Variants in CYFIP2 observed in about 807,000 individuals in gnomAD.
The protein encoded by CYFIP2 is cytoplasmic FMR1 interacting protein 2.
CYFIP2 carries 29 observed loss-of-function variants against 158.7 expected under a neutral mutation model. The ratio of observed to expected loss-of-function variants is 0.18; its 90% CI spans 0.14 to 0.25. CYFIP2 has a LOEUF of 0.25. CYFIP2 is among the 10% of genes least tolerant of loss of function. CYFIP2 has a pLI of 1.00. For missense variants in CYFIP2, 852 were observed against 1,639.5 expected (o/e 0.52, Z 8.29); for synonymous variants, 585 against 617.6 (o/e 0.95, Z 0.78).
At chr5:157,299,626 C>T (rs541517874) in intron 5 of CYFIP2, among the ~76,000 whole-genome samples, 5 of 152,272 alleles carry the variant, frequency 3.3e-5, no homozygotes, top group East Asian at 3.9e-4. Flanking sequence ...CTAGGCCAGG[C>T]GTGGTGGTTC....
chr5:157,304,383 G>T lies in CYFIP2; in HGVS notation c.795+17G>T. 1 of 1,610,794 alleles carries T rather than the reference G, an allele frequency of 6.2e-7. No individual in the cohort carries two copies. The highest frequency in any genetic ancestry group is 1.3e-5 in the African/African-American group (1 of 74,904). Reference sequence around the variant, plus strand: ...CTCCTCAAGGTAAAACTCCCCTGAGGCCGCACCCATGGAGCCTGGGCTTAC... The same window carrying T: ...CTCCTCAAGGTAAAACTCCCCTGAGTCCGCACCCATGGAGCCTGGGCTTAC... On this transcript the variant is annotated intron_variant, in intron 8 of 30. Transcript: ENST00000620254.
intron 23 of CYFIP2, among the ~76,000 whole-genome samples, chr5:157,357,694 A>G (rs903780294): frequency 3.4e-4 from 52 of 152,116 alleles, no homozygotes; most frequent in African/African-American, 1.3e-3. Flanking sequence ...AGCTGTGCAT[A>G]GTGGAGGGCA....
chr5:157,356,222 G>T (rs931638459), intron 23 of CYFIP2, among the ~76,000 whole-genome samples: 2 of 152,008 alleles, frequency 1.3e-5, no homozygotes, highest in African/African-American at 4.8e-5. Flanking sequence ...GTGTGCAGAT[G>T]GCCCCTCTCC....
intron 4 of CYFIP2, among the ~76,000 whole-genome samples, chr5:157,295,507 AACT>A (rs1758182213): frequency 6.6e-6 from 1 of 152,240 alleles, no homozygotes; most frequent in Non-Finnish European, 1.5e-5. Flanking sequence ...CCCCAGCAAT[AACT>A]ACTATTAACA....
At position 157,312,493 on chromosome 5, in the gene CYFIP2, T is replaced by G. The variant is rs1165460408; in HGVS notation, c.1110+712T>G. Among the ~76,000 whole-genome samples, 3 of 152,208 alleles carry G rather than the reference T, an allele frequency of 2.0e-5. No individual in the cohort carries two copies. The East Asian group carries it at 5.8e-4, about 29-fold the overall frequency. On this transcript the variant is annotated intron_variant, in intron 11 of 30. Coordinates refer to ENST00000620254, the MANE Select transcript of CYFIP2 (RefSeq NM_001037333.3). ...GATACTCATCCCATACGTACCCTCCTAATAAATGAATATGCTGTTTGATAA... is the reference window on the plus strand; with the variant it reads ...GATACTCATCCCATACGTACCCTCCGAATAAATGAATATGCTGTTTGATAA...
rs1216780497 is a variant in CYFIP2, at chr5:157,314,329, C to A, written c.1111-15C>A. 2 of 1,612,256 alleles carry A rather than the reference C, an allele frequency of 1.2e-6. No homozygotes were observed. Among genetic ancestry groups the A allele is most frequent in the Non-Finnish European group, 1.7e-6 (2 of 1,179,100 alleles). ...AGGCACATAGACCATGAGTATGACA[C>A]CTGATGCTCCCCAGGTGGTGACGGG... On this transcript the variant is annotated splice_polypyrimidine_tract_variant and intron_variant, in intron 11 of 30. Transcript: ENST00000620254.
At chr5:157,373,835 C>T (rs917668865) in intron 26 of CYFIP2, among the ~76,000 whole-genome samples, 3 of 152,140 alleles carry the variant, frequency 2.0e-5, no homozygotes, top group African/African-American at 7.2e-5. Context: ...TGGAGTTATA[C>T]ATTTTTTCCT....
chr5:157,338,666 A>T (rs998446097), intron 21 of CYFIP2, among the ~76,000 whole-genome samples: 4 of 152,266 alleles, frequency 2.6e-5, no homozygotes, highest in Admixed American at 2.6e-4. Flanking sequence ...GGTTCAACCT[A>T]ATAGTAAACC....
intron 1 of CYFIP2, among the ~76,000 whole-genome samples, chr5:157,277,583 G>GA (rs1756664241): frequency 6.6e-6 from 1 of 152,216 alleles, no homozygotes. Flanking sequence ...TGATAGGTAA[G>GA]AAAATGGTCC....
At chr5:157,330,712 C>A in intron 19 of CYFIP2, 30 bp from the exon 20 acceptor site, 2 of 1,571,802 alleles carry the variant, frequency 1.3e-6, no homozygotes, top group Non-Finnish European at 1.8e-6. Flanking sequence ...AATCTGTTTA[C>A]TGGCCTTGTT....
chr5:157,311,809 G>A lies in CYFIP2; in HGVS notation c.1110+28G>A. ...GAGCATGCAGGCTGCTGGGGCACAG[G>A]CCCGTGGGCCCAGGGCCAGAAGGGG... On this transcript the variant is annotated intron_variant, in intron 11 of 30. Coordinates refer to ENST00000620254, the MANE Select transcript of CYFIP2 (RefSeq NM_001037333.3). The surrounding 1 kb of genome is among the most constrained non-coding windows in gnomAD (Gnocchi z 4.7). 6.4e-7 allele frequency: 1 copy of A among 1,564,926 alleles called. No homozygotes were observed. Among genetic ancestry groups the A allele is most frequent in the African/African-American group, 1.4e-5 (1 of 73,722 alleles).
intron 21 of CYFIP2, among the ~76,000 whole-genome samples, chr5:157,338,670 G>A (rs573211587): frequency 1.2e-4 from 18 of 152,220 alleles, no homozygotes; most frequent in Non-Finnish European, 4.4e-5. Flanking sequence ...CAACCTAATA[G>A]TAAACCCTTA....
intron 18 of CYFIP2, among the ~76,000 whole-genome samples, chr5:157,327,118 C>A (rs1344469519): frequency 6.6e-6 from 1 of 152,168 alleles, no homozygotes; most frequent in Non-Finnish European, 1.5e-5. Flanking sequence ...TGGTTTGATT[C>A]TTCATGTCTG....
At position 157,390,473 on chromosome 5, in the gene CYFIP2, CTCCTCCCCCGACCTCTCACTCCAGCTGCT is replaced by C; in HGVS notation, c.3447-38_3447-10del. The C allele has an allele frequency of 6.9e-7, 1 of 1,456,828 alleles. No individual in the cohort carries two copies. The allele number at this position is 1,456,828 out of a possible 1,614,324, so 90.2% of individuals were successfully genotyped here. A position where few individuals can be genotyped will look rare whatever the true frequency, so the allele number is the denominator to read the frequency against. On this transcript the variant is annotated intron_variant, in intron 29 of 30. Transcript: ENST00000620254. ...AGATGAGGCTCCCTCCCTCCCTGCC[CTCCTCCCCCGACCTCTCACTCCAGCTGCT>C]TCCTCCCCCTGCTCCCAGGCAGTGT...
chr5:157,281,425 C>T (rs1404727265), intron 1 of CYFIP2, among the ~76,000 whole-genome samples: 1 of 152,124 alleles, frequency 6.6e-6, no homozygotes, highest in Non-Finnish European at 1.5e-5. Flanking sequence ...GTTCGGTTAT[C>T]TAGTGGTATA....
rs1767665403 is a variant in CYFIP2, at chr5:157,395,482, CAT to C, written c.*2485_*2486del. The C allele has an allele frequency of 8.2e-6, 4 of 486,478 alleles. No homozygotes were observed. Among genetic ancestry groups the C allele is most frequent in the Non-Finnish European group, 1.5e-5 (4 of 274,294 alleles). 30.1% of individuals were successfully genotyped at this position (486,478 alleles called of 1,614,324 possible). On this transcript the variant is annotated 3_prime_UTR_variant, in exon 31 of 31. Transcript: ENST00000620254. ...AAATAATGATGTTAAATTCTTAAAT[CAT>C]ATTTGCTATGCAGCTGAAGATGATA...
intron 29 of CYFIP2, 92 bp downstream of exon 29, chr5:157,389,519 C>T (rs1767053559): frequency 2.4e-6 from 3 of 1,226,232 alleles, no homozygotes; most frequent in Non-Finnish European, 3.3e-6. Flanking sequence ...GAAACGTGGG[C>T]AGGGGGTGGG....
intron 1 of CYFIP2, among the ~76,000 whole-genome samples, chr5:157,271,125 TGATA>T (rs1175012665): frequency 2.0e-5 from 3 of 152,190 alleles, no homozygotes; most frequent in Non-Finnish European, 4.4e-5. Flanking sequence ...GTGTGGGCCA[TGATA>T]GATCGGTAAG....
chr5:157,367,056 T>C (rs1420246759), intron 26 of CYFIP2, among the ~76,000 whole-genome samples: 1 of 152,154 alleles, frequency 6.6e-6, no homozygotes, highest in Non-Finnish European at 1.5e-5. Flanking sequence ...CTCTCCTTAT[T>C]AGAGTGGACC....
Sources: allele counts gnomAD v4.1 joint callset (sites outside exome capture counted in the v4.1 genomes callset), GRCh38; gene constraint gnomAD v4.1.1; non-coding constraint Gnocchi (gnomAD v3.1); transcripts MANE v1.5; gene names NCBI Gene and HGNC (gene_info 2026-07-23, HGNC 2026-07-21).